Variants in NTN1 observed in about 807,000 individuals in gnomAD.
NTN1 encodes netrin-1.
Under a neutral mutation model 54.2 loss-of-function variants are expected in NTN1, and 11 were observed. That is an observed-to-expected ratio of 0.20 (90% confidence interval 0.13 to 0.34). The LOEUF is 0.34. NTN1 is among the 10% of genes least tolerant of loss of function. The pLI is 1.00. For missense variants in NTN1, 740 were observed against 893.1 expected (o/e 0.83, Z 2.18); for synonymous variants, 371 against 382.0 (o/e 0.97, Z 0.33).
intron 2 of NTN1, among the ~76,000 whole-genome samples, chr17:9,057,738 C>T (rs1427480814): frequency 6.6e-6 from 1 of 152,192 alleles, no homozygotes; most frequent in Admixed American, 6.5e-5. Context: ...AGGACGTTTT[C>T]CAGAAAATGA....
At chr17:9,194,161 A>T (rs1430564836) in intron 5 of NTN1, among the ~76,000 whole-genome samples, 1 of 151,000 alleles carries the variant, frequency 6.6e-6, no homozygotes, top group Admixed American at 6.6e-5. Context: ...GCTTGAACCC[A>T]GGAGGTGGAG....
intron 3 of NTN1, among the ~76,000 whole-genome samples, chr17:9,168,380 A>G (rs2092378511): frequency 6.6e-6 from 1 of 152,222 alleles, no homozygotes; most frequent in Non-Finnish European, 1.5e-5. Flanking sequence ...TAAAAATACA[A>G]AATTAGCCGG....
chr17:9,187,121 A>G (rs556144687), intron 5 of NTN1, among the ~76,000 whole-genome samples: 1 of 152,302 alleles, frequency 6.6e-6, no homozygotes, highest in African/African-American at 2.4e-5. Context: ...GATTAAAAAA[A>G]CAATACATTG....
chr17:9,057,457 T>TC (rs2091982956), intron 2 of NTN1, among the ~76,000 whole-genome samples: 2 of 152,176 alleles, frequency 1.3e-5, no homozygotes, highest in African/African-American at 4.8e-5. Context: ...TTTCTGCTCT[T>TC]CCCCGGGGTT....
intron 2 of NTN1, among the ~76,000 whole-genome samples, chr17:9,056,375 G>A (rs753684255): frequency 6.6e-6 from 1 of 152,188 alleles, no homozygotes; most frequent in Non-Finnish European, 1.5e-5. Flanking sequence ...CCATCTTGAT[G>A]GTTTTGATGG....
chr17:9,110,405 G>C (rs2092186045), intron 2 of NTN1, among the ~76,000 whole-genome samples: 1 of 152,086 alleles, frequency 6.6e-6, no homozygotes, highest in African/African-American at 2.4e-5. Context: ...GAGTAGCTGG[G>C]ATTACAGGCA....
At chr17:9,228,464 C>T (rs1304243926) in intron 6 of NTN1, among the ~76,000 whole-genome samples, 1 of 152,160 alleles carries the variant, frequency 6.6e-6, no homozygotes, top group East Asian at 1.9e-4. Flanking sequence ...CGTGGACACG[C>T]GGGGGCTCCC....
rs983785040 is a variant in NTN1 at position 9,132,592 on chromosome 17, C to T, written c.1019-30221C>T. 3.3e-5 allele frequency among the ~76,000 whole-genome samples: 5 copies of T among 152,154 alleles called. No homozygotes were observed. The East Asian group carries it at 7.7e-4, about 23-fold the overall frequency. On this transcript the variant is annotated intron_variant, in intron 2 of 6. Transcript: ENST00000173229. ...TCAGCAAGGAAAAGAATGACACGTC[C>T]GGCCAGGCGCAGTGGCTCACGCCTG...
intron 2 of NTN1, among the ~76,000 whole-genome samples, chr17:9,139,629 A>G (rs2142278704): frequency 6.6e-6 from 1 of 152,302 alleles, no homozygotes; most frequent in Middle Eastern, 3.4e-3. Flanking sequence ...TTTTAAGTTC[A>G]GTGAGAGAAT....
intron 2 of NTN1, among the ~76,000 whole-genome samples, chr17:9,156,361 G>T (rs1005568837): frequency 1.3e-4 from 20 of 152,058 alleles, no homozygotes; most frequent in Admixed American, 9.2e-4. Context: ...GCTGCTGTGG[G>T]GTACTGGGCC....
At position 9,227,573 on chromosome 17, in the gene NTN1, ACAC is replaced by A. The variant is rs1905626510; in HGVS notation, c.1486+6332_1486+6334del. On this transcript the variant is annotated intron_variant, in intron 6 of 6. Coordinates refer to ENST00000173229, the MANE Select transcript of NTN1 (RefSeq NM_004822.3). ...CACAGGCACACACACTATCACACACACACATCACACACGCATGCATACACACAC... is the reference window on the plus strand; with the variant it reads ...CACAGGCACACACACTATCACACACAATCACACACGCATGCATACACACAC... Among the ~76,000 whole-genome samples, 5 of 143,380 alleles carry A rather than the reference ACAC, an allele frequency of 3.5e-5. No individual in the cohort carries two copies. In the South Asian group the frequency reaches 1.1e-3, roughly 32 times the overall value. The allele number at this position is 143,380 out of a possible 152,430, so 94.1% of individuals were successfully genotyped here. A position where few individuals can be genotyped will look rare whatever the true frequency, so the allele number is the denominator to read the frequency against.
At chr17:9,167,792 C>T (rs1212116329) in intron 3 of NTN1, among the ~76,000 whole-genome samples, 1 of 152,132 alleles carries the variant, frequency 6.6e-6, no homozygotes, top group African/African-American at 2.4e-5. Context: ...TTCCTTGGGT[C>T]ACTGTGTGCA....
intron 5 of NTN1, among the ~76,000 whole-genome samples, chr17:9,215,625 T>A (rs1480225183): frequency 6.6e-6 from 1 of 152,258 alleles, no homozygotes; most frequent in Non-Finnish European, 1.5e-5. Context: ...CTATATAGTA[T>A]AAGACAGTCT....
intron 2 of NTN1, among the ~76,000 whole-genome samples, chr17:9,070,876 G>A (rs2092029906): frequency 6.6e-6 from 1 of 152,226 alleles, no homozygotes; most frequent in Admixed American, 6.5e-5. Context: ...ACAGGCATGA[G>A]CCACCGCACC....
At chr17:9,204,145 G>A (rs1290019607) in intron 5 of NTN1, among the ~76,000 whole-genome samples, 1 of 149,248 alleles carries the variant, frequency 6.7e-6, no homozygotes, top group Non-Finnish European at 1.5e-5. Context: ...AATGGCAACA[G>A]GAGTGCAAGG....
At chr17:9,233,381 G>A (rs78097411) in intron 6 of NTN1, among the ~76,000 whole-genome samples, 3,131 of 152,110 alleles carry the variant, frequency 0.021, 51 homozygotes, top group Non-Finnish European at 0.034. Context: ...CTTCTGCACC[G>A]GCCGGACAGC....
intron 4 of NTN1, 58 bp from the exon 5 acceptor site, chr17:9,182,858 C>A (rs985406491): frequency 1.8e-5 from 29 of 1,569,864 alleles, no homozygotes; most frequent in Non-Finnish European, 1.8e-6. Context: ...GTCAAAAAAT[C>A]ATGTCGTCTT....
rs2091860041 is a variant in NTN1, at chr17:9,023,407, C to A, written c.1018+16C>A. 2.2e-6 allele frequency: 3 copies of A among 1,349,220 alleles called. No homozygotes were observed. Among genetic ancestry groups the A allele is most frequent in the Middle Eastern group, 2.4e-4 (1 of 4,152 alleles). The allele number at this position is 1,349,220 out of a possible 1,614,324, so 83.6% of individuals were successfully genotyped here. ...GAGTGCGTGGGTGAGTGGGGTGCGGCGGCGGAGCCGGCGGCGGGTGGGGCC... is the reference window on the plus strand; with the variant it reads ...GAGTGCGTGGGTGAGTGGGGTGCGGAGGCGGAGCCGGCGGCGGGTGGGGCC... On this transcript the variant is annotated intron_variant, in intron 2 of 6. Coordinates refer to ENST00000173229, the MANE Select transcript of NTN1 (RefSeq NM_004822.3).
intron 2 of NTN1, among the ~76,000 whole-genome samples, chr17:9,122,037 C>A (rs898435455): frequency 7.1e-6 from 1 of 141,158 alleles, no homozygotes; most frequent in Non-Finnish European, 1.5e-5. Context: ...TTCTGAGTTA[C>A]ATTTTTTTTT....
Sources: gnomAD v4.1 joint callset for allele counts (sites outside exome capture counted in the v4.1 genomes callset) on GRCh38, gnomAD v4.1.1 for gene constraint, MANE v1.5 for transcripts, NCBI Gene and HGNC (gene_info 2026-07-23, HGNC 2026-07-21) for gene names.